Variants in CDC42BPB observed in about 807,000 individuals in gnomAD.
CDC42BPB encodes CDC42 binding protein kinase beta, also known as serine/threonine-protein kinase MRCK beta.
Under a neutral mutation model 214.9 loss-of-function variants are expected in CDC42BPB, and 37 were observed. The ratio of observed to expected loss-of-function variants is 0.17; its 90% CI spans 0.13 to 0.23. CDC42BPB has a LOEUF of 0.23. Ranked by LOEUF, CDC42BPB falls within the 10% of genes least tolerant of loss-of-function variation. The pLI is 1.00. For synonymous variants in CDC42BPB, 931 were observed against 884.0 expected, an observed-to-expected ratio of 1.05 and a Z score of -0.94; for missense variants, 1,694 against 2,227.0, an observed-to-expected ratio of 0.76 and a Z score of 4.82.
intron 1 of CDC42BPB, among the ~76,000 whole-genome samples, chr14:103,020,095 G>A (rs775826719): frequency 1.5e-4 from 23 of 152,236 alleles, no homozygotes; most frequent in Non-Finnish European, 2.6e-4. Context: ...TCCCCTGTCC[G>A]GCAGAAGCTC....
intron 1 of CDC42BPB, among the ~76,000 whole-genome samples, chr14:103,016,012 G>C (rs1039608532): frequency 6.6e-6 from 1 of 152,004 alleles, no homozygotes; most frequent in Non-Finnish European, 1.5e-5. Flanking sequence ...CACTGCGCCC[G>C]GCCGAGGCTG....
intron 7 of CDC42BPB, among the ~76,000 whole-genome samples, chr14:102,982,301 G>A (rs1894038030): frequency 6.6e-6 from 1 of 152,212 alleles, no homozygotes; most frequent in Non-Finnish European, 1.5e-5. Flanking sequence ...TGGAAAACCA[G>A]TTCCCGCTTC....
rs1220929376 is a variant in CDC42BPB, at chr14:103,023,960, G to A, written c.176-11772C>T. ...CAGGACCCTTCACACCAGCAGCACT[G>A]ATGGGGGCGGTGCCCACCCCGGCCC... On this transcript the variant is annotated intron_variant, in intron 1 of 36. Transcript: ENST00000361246. 2.0e-5 allele frequency among the ~76,000 whole-genome samples: 3 copies of A among 152,178 alleles called. No homozygotes were observed. In the East Asian group the frequency reaches 5.8e-4, roughly 29 times the overall value.
chr14:102,953,008 G>A (rs1415558122), intron 23 of CDC42BPB, among the ~76,000 whole-genome samples: 4 of 152,228 alleles, frequency 2.6e-5, no homozygotes, highest in Non-Finnish European at 5.9e-5. Flanking sequence ...GTGTCCAAGA[G>A]ACACCCAAGA....
intron 1 of CDC42BPB, among the ~76,000 whole-genome samples, chr14:103,035,649 G>A (rs989221118): frequency 6.6e-6 from 1 of 151,942 alleles, no homozygotes; most frequent in Non-Finnish European, 1.5e-5. Context: ...GACCATCCTG[G>A]CTAACATGGT....
chr14:103,041,497 C>T, intron 1 of CDC42BPB: 1 of 1,368,674 alleles, frequency 7.3e-7, no homozygotes, highest in South Asian at 1.2e-5. Flanking sequence ...GGCATGGAAG[C>T]CCCACTTCCA....
At chr14:103,052,970 GTTGCTAT>G in intron 1 of CDC42BPB, among the ~76,000 whole-genome samples, 1 of 152,228 alleles carries the variant, frequency 6.6e-6, no homozygotes, top group East Asian at 1.9e-4. Flanking sequence ...GTCCGTATTT[GTTGCTAT>G]TTACTTTTGG....
chr14:103,044,194 A>C (rs999747018), intron 1 of CDC42BPB, among the ~76,000 whole-genome samples: 1 of 152,186 alleles, frequency 6.6e-6, no homozygotes, highest in Non-Finnish European at 1.5e-5. Flanking sequence ...TCGGGTTAGA[A>C]AACAAATATC....
Position 102,963,069 on chromosome 14 carries a change from G to A in CDC42BPB, c.2813C>T (p.Ala938Val), listed in dbSNP as rs1011850433. Residue 938 changes from alanine to valine, a missense_variant, in exon 20 of 37, where the codon GCA becomes GTA. Physicochemically the swap from Ala to Val is moderately conservative, Grantham distance 64. Coordinates refer to ENST00000361246, the MANE Select transcript of CDC42BPB (RefSeq NM_006035.4). Reference protein sequence around the residue: ...LKKKMEEKFRADTGLKLPDFQ... With the variant: ...LKKKMEEKFRVDTGLKLPDFQ... ...GCACAACATTAATTTACCAGTATCTGCTCTGAATTTTTCTTCCATCTTTTT... is the reference window on the plus strand; with the variant it reads ...GCACAACATTAATTTACCAGTATCTACTCTGAATTTTTCTTCCATCTTTTT... The A allele has an allele frequency of 1.4e-6, 2 of 1,411,194 alleles. No individual in the cohort carries two copies. Among genetic ancestry groups the A allele is most frequent in the South Asian group, 1.2e-5 (1 of 86,048 alleles). The allele number at this position is 1,411,194 out of a possible 1,614,324, so 87.4% of individuals were successfully genotyped here.
chr14:103,032,164 C>G lies in CDC42BPB; in HGVS notation c.176-19976G>C, dbSNP rs902670925. ...CGTATTTCATTCACTTCTCCTTGTC[C>G]CCCTCTGCTGTCTCAGAGTGACAGA... is the stretch of plus-strand genomic sequence containing the variant. On this transcript the variant is annotated intron_variant, in intron 1 of 36. Coordinates refer to ENST00000361246, the MANE Select transcript of CDC42BPB (RefSeq NM_006035.4). Among the ~76,000 whole-genome samples, 6 of 151,886 alleles carry G rather than the reference C, an allele frequency of 4.0e-5. No homozygotes were observed. In the East Asian group the frequency reaches 1.2e-3, roughly 29 times the overall value.
intron 1 of CDC42BPB, among the ~76,000 whole-genome samples, chr14:103,040,349 C>T (rs550663832): frequency 2.0e-5 from 3 of 151,358 alleles, no homozygotes; most frequent in South Asian, 2.1e-4. Flanking sequence ...AGCAAGACTC[C>T]GTCTCAAAAA....
intron 21 of CDC42BPB, among the ~76,000 whole-genome samples, chr14:102,958,287 G>A (rs146458899): frequency 1.1e-3 from 175 of 152,294 alleles, no homozygotes; most frequent in African/African-American, 4.0e-3. Context: ...TGTTGGGGTC[G>A]CTGATACCTT....
At chr14:102,966,409 CTAT>C (rs1272527954) in intron 17 of CDC42BPB, 22 bp from the exon 18 acceptor site, 9 of 1,611,204 alleles carry the variant, frequency 5.6e-6, no homozygotes, top group Non-Finnish European at 5.9e-6. Context: ...AACAGATGTT[CTAT>C]CTCACGAAGC....
intron 17 of CDC42BPB, 59 bp from the exon 18 acceptor site, chr14:102,966,446 CAAG>C (rs1893206691): frequency 6.2e-6 from 10 of 1,600,544 alleles, no homozygotes; most frequent in Non-Finnish European, 8.5e-6. Flanking sequence ...AGAAGCCAAA[CAAG>C]AAGGGGACGT....
intron 28 of CDC42BPB, among the ~76,000 whole-genome samples, chr14:102,946,134 A>G (rs1892157690): frequency 1.3e-5 from 2 of 151,794 alleles, no homozygotes; most frequent in South Asian, 4.2e-4. Flanking sequence ...TCAGTCTCCC[A>G]AGTAGCTGGG....
rs1307232500 is a variant in CDC42BPB at position 103,003,915 on chromosome 14, C to T, written c.447+13G>A. 10 of 1,600,912 alleles carry T rather than the reference C, an allele frequency of 6.2e-6. No individual in the cohort carries two copies. The highest frequency in any genetic ancestry group is 7.7e-6 in the Non-Finnish European group (9 of 1,169,788). Reference sequence around the variant, plus strand: ...GCGAATGCCCTGACCGAGTCTCTGGCTGTGCGACCTACCAGGTGGTTCTCG... The same window carrying T: ...GCGAATGCCCTGACCGAGTCTCTGGTTGTGCGACCTACCAGGTGGTTCTCG... On this transcript the variant is annotated intron_variant, in intron 4 of 36. Coordinates refer to ENST00000361246, the MANE Select transcript of CDC42BPB (RefSeq NM_006035.4).
At chr14:103,056,002 G>A (rs960381641) in intron 1 of CDC42BPB, among the ~76,000 whole-genome samples, 1 of 152,232 alleles carries the variant, frequency 6.6e-6, no homozygotes, top group African/African-American at 2.4e-5. Context: ...GACAGTCTGA[G>A]GGTCTTGACC....
chr14:102,940,660 C>A, intron 30 of CDC42BPB: 5 of 383,178 alleles, frequency 1.3e-5, no homozygotes, highest in Non-Finnish European at 2.3e-5. Flanking sequence ...CTAATTCAGG[C>A]TCAACACTTT....
rs544055281 is a variant in CDC42BPB at position 102,945,173 on chromosome 14, C to G, written c.3811+489G>C. On this transcript the variant is annotated intron_variant, in intron 29 of 36. Transcript: ENST00000361246. Reference sequence around the variant, plus strand: ...TCTGTCGGGAAAGGACTATGGCTCACATGAAATGTCGCTGGATTCCTTGAG... The same window carrying G: ...TCTGTCGGGAAAGGACTATGGCTCAGATGAAATGTCGCTGGATTCCTTGAG... 9 of 452,616 alleles carry G rather than the reference C, an allele frequency of 2.0e-5. No homozygotes were observed. The Admixed American group carries it at 2.1e-4, about 11-fold the overall frequency. The allele number at this position is 452,616 out of a possible 1,614,324, so 28.0% of individuals were successfully genotyped here.
Sources: gnomAD v4.1 joint callset for allele counts (sites outside exome capture counted in the v4.1 genomes callset) on GRCh38, gnomAD v4.1.1 for gene constraint, MANE v1.5 for transcripts, NCBI Gene and HGNC (gene_info 2026-07-23, HGNC 2026-07-21) for gene names.